The following CNTNAP2 variants were observed in gnomAD, a reference collection of about 807,000 sequenced individuals.
CNTNAP2 encodes contactin associated protein 2.
CNTNAP2 carries 98 observed loss-of-function variants against 155.2 expected under a neutral mutation model. The observed-to-expected ratio is 0.63, with a 90% CI of 0.54 to 0.75. The LOEUF is 0.75. Among genes scored for constraint, CNTNAP2 ranks in the 30% least tolerant of loss-of-function variants. The pLI, the probability that CNTNAP2 is intolerant of heterozygous loss-of-function variation, is 0.00. For missense variants in CNTNAP2, 1,727 were observed against 1,688.1 expected (o/e 1.02, Z -0.40); for synonymous variants, 651 against 631.2 (o/e 1.03, Z -0.47).
intron 12 of CNTNAP2, among the ~76,000 whole-genome samples, chr7:147,578,874 A>G (rs1048174874): frequency 2.6e-5 from 4 of 152,138 alleles, no homozygotes; most frequent in African/African-American, 4.8e-5. Context: ...CTCTAAGCTT[A>G]GAAAACTCAC....
chr7:147,370,254 G>A (rs967914475), intron 9 of CNTNAP2, among the ~76,000 whole-genome samples: 1 of 152,192 alleles, frequency 6.6e-6, no homozygotes, highest in African/African-American at 2.4e-5. Flanking sequence ...ACGTGTCCAT[G>A]ACAACAGAGA....
chr7:147,711,675 G>A (rs561667656), intron 13 of CNTNAP2, among the ~76,000 whole-genome samples: 4 of 152,266 alleles, frequency 2.6e-5, no homozygotes, highest in African/African-American at 4.8e-5. Flanking sequence ...GGAAATAAAC[G>A]GCTAGAGGCA....
intron 1 of CNTNAP2, among the ~76,000 whole-genome samples, chr7:146,271,256 A>G (rs1465616172): frequency 5.3e-5 from 8 of 151,992 alleles, no homozygotes; most frequent in Non-Finnish European, 1.5e-5. Flanking sequence ...TTATGTATAC[A>G]TTTTATTTAT....
chr7:147,639,216 G>A lies in CNTNAP2; in HGVS notation c.2008G>A (p.Asp670Asn). 8.7e-6 allele frequency: 14 copies of A among 1,614,092 alleles called. No individual in the cohort carries two copies. Among genetic ancestry groups the A allele is most frequent in the Non-Finnish European group, 1.2e-5 (14 of 1,179,994 alleles). ...ACAGCTCGTTTACAGCGCCTCCATG[G>A]ACCAGATAAGTGCCATCACTGACAG... ...VTQLVYSASM[D>N]QISAITDSAE... Residue 670 changes from aspartate (D) to asparagine (N), a missense_variant, in exon 13 of 24, where the codon GAC becomes AAC. Transcript: ENST00000361727.
At chr7:148,029,349 G>A (rs1463659891) in intron 15 of CNTNAP2, among the ~76,000 whole-genome samples, 3 of 152,094 alleles carry the variant, frequency 2.0e-5, no homozygotes, top group African/African-American at 7.2e-5. Context: ...AGAAAATATG[G>A]AATTTTTTTT....
chr7:147,200,523 G>T (rs998444867), intron 8 of CNTNAP2, among the ~76,000 whole-genome samples: 2 of 152,176 alleles, frequency 1.3e-5, no homozygotes, highest in Non-Finnish European at 2.9e-5. Flanking sequence ...AACCAAAGCT[G>T]CCCAACATAC....
At chr7:147,017,129 TCTC>T (rs1373299607) in intron 3 of CNTNAP2, among the ~76,000 whole-genome samples, 15 of 152,042 alleles carry the variant, frequency 9.9e-5, no homozygotes, top group African/African-American at 3.6e-4. Flanking sequence ...CTATTCTCCT[TCTC>T]CTTCAGGTCC....
Position 148,415,600 on chromosome 7 carries a change from A to AG in CNTNAP2, c.3982dup (p.Glu1328GlyfsTer14). 6.2e-7 allele frequency: 1 copy of AG among 1,614,202 alleles called. No homozygotes were observed. Among genetic ancestry groups the AG allele is most frequent in the East Asian group, 2.2e-5 (1 of 44,868 alleles). ...ACAGAGACCATTGATGAAAGCAAAA[A>AG]GGAATGGCTCATTTGAGGGGTGGCT... On this transcript the variant is annotated frameshift_variant, in exon 24 of 24. Transcript: ENST00000361727. LOFTEE classifies it high-confidence loss of function.
chr7:146,630,508 G>A (rs6960246), intron 1 of CNTNAP2, among the ~76,000 whole-genome samples: 20,719 of 151,956 alleles, frequency 0.14, 2,003 homozygotes, highest in African/African-American at 0.28. Context: ...CAGTTATGAT[G>A]CTGGAACAAA....
chr7:148,028,225 C>T (rs7785350), intron 15 of CNTNAP2, among the ~76,000 whole-genome samples: 12,716 of 152,184 alleles, frequency 0.084, 673 homozygotes, highest in East Asian at 0.29. Context: ...TTTGCAATCA[C>T]TGGAAAGTCA....
At position 147,899,909 on chromosome 7, in the gene CNTNAP2, A is replaced by C. The variant is rs529680029; in HGVS notation, c.2099-3656A>C. ...CTCCATCTCAAAAAAAAAAAAAGAA[A>C]GAAAGAAAGAAAGAGTCATCCATTG... On this transcript the variant is annotated intron_variant, in intron 13 of 23. Transcript: ENST00000361727. Among the ~76,000 whole-genome samples the C allele has an allele frequency of 5.0e-5, 7 of 139,328 alleles. No individual in the cohort carries two copies. In the South Asian group the frequency reaches 1.6e-3, roughly 33 times the overall value. 91.4% of individuals were successfully genotyped at this position (139,328 alleles called of 152,430 possible).
chr7:148,142,641 T>C (rs962889061), intron 16 of CNTNAP2, among the ~76,000 whole-genome samples: 1 of 152,194 alleles, frequency 6.6e-6, no homozygotes, highest in East Asian at 1.9e-4. Context: ...TCCTTCTCTT[T>C]TCTCTTATCC....
chr7:146,355,801 A>G (rs1794988803), intron 1 of CNTNAP2, among the ~76,000 whole-genome samples: 1 of 152,144 alleles, frequency 6.6e-6, no homozygotes, highest in Non-Finnish European at 1.5e-5. Context: ...AGGAGTGACT[A>G]AAAGAGAGAA....
intron 1 of CNTNAP2, among the ~76,000 whole-genome samples, chr7:146,397,636 A>C (rs1795649114): frequency 6.6e-6 from 1 of 152,126 alleles, no homozygotes; most frequent in African/African-American, 2.4e-5. Context: ...TGTTTCCAAT[A>C]GTTTAAGTGA....
chr7:146,468,494 A>G (rs74867738), intron 1 of CNTNAP2, among the ~76,000 whole-genome samples: 2,755 of 152,158 alleles, frequency 0.018, 48 homozygotes, highest in African/African-American at 0.044. Context: ...AAGTGCAAGG[A>G]GAGTGTACAA....
chr7:147,110,458 G>A (rs1334273088), intron 5 of CNTNAP2, among the ~76,000 whole-genome samples: 1 of 151,882 alleles, frequency 6.6e-6, no homozygotes, highest in Admixed American at 6.6e-5. Flanking sequence ...TGTCTGCACA[G>A]ATCATCCCAT....
chr7:146,692,712 A>C (rs1018250350), intron 1 of CNTNAP2, among the ~76,000 whole-genome samples: 3 of 152,104 alleles, frequency 2.0e-5, no homozygotes, highest in Non-Finnish European at 4.4e-5. Flanking sequence ...GTAAATGGGG[A>C]TCATAATGTT....
chr7:147,276,445 AT>A (rs1292070101), intron 8 of CNTNAP2, among the ~76,000 whole-genome samples: 1 of 152,098 alleles, frequency 6.6e-6, no homozygotes, highest in Non-Finnish European at 1.5e-5. Flanking sequence ...GTTGAATTAA[AT>A]AGTTTCTCTT....
chr7:147,612,612 G>C (rs1220245228), intron 12 of CNTNAP2, among the ~76,000 whole-genome samples: 1 of 151,946 alleles, frequency 6.6e-6, no homozygotes, highest in East Asian at 1.9e-4. Context: ...TGTTGGCCAG[G>C]CTGGTCTCAA....
Sources: allele counts gnomAD v4.1 joint callset (sites outside exome capture counted in the v4.1 genomes callset), GRCh38; gene constraint gnomAD v4.1.1; transcripts MANE v1.5; gene names NCBI Gene and HGNC (gene_info 2026-07-23, HGNC 2026-07-21).